ARHGEF28: variants seen among roughly 807,000 people sequenced by gnomAD.
ARHGEF28 encodes 190 kDa guanine nucleotide exchange factor.
A neutral mutation model predicts 206.6 loss-of-function variants in ARHGEF28; 152 were observed. That is an observed-to-expected ratio of 0.74 (90% CI 0.64 to 0.84). The LOEUF is 0.84. Among genes scored for constraint, ARHGEF28 ranks in the 40% least tolerant of loss-of-function variants. The pLI, the probability that ARHGEF28 is intolerant of heterozygous loss-of-function variation, is 0.00. For synonymous variants in ARHGEF28, 763 were observed against 776.4 expected (o/e 0.98, Z 0.29); for missense variants, 2,028 against 2,073.2 (o/e 0.98, Z 0.42).
chr5:73,822,846 C>A (rs1756681972), intron 9 of ARHGEF28, among the ~76,000 whole-genome samples: 1 of 152,198 alleles, frequency 6.6e-6, no homozygotes. Context: ...AGGCTGGTCT[C>A]AAACTCCTGG....
chr5:73,931,716 A>G (rs1412380317), intron 35 of ARHGEF28, among the ~76,000 whole-genome samples: 1 of 152,184 alleles, frequency 6.6e-6, no homozygotes, highest in Non-Finnish European at 1.5e-5. Flanking sequence ...AGTTCTTTGA[A>G]GATAGTAACT....
chr5:73,857,741 C>T lies in ARHGEF28; in HGVS notation c.1876C>T (p.Leu626Phe). Residue 626 changes from leucine (L) to phenylalanine (F), a missense_variant, in exon 15 of 36, where the codon CTC becomes TTC. This residue lies in a region of ARHGEF28 where 1,002 missense variants were observed against 1,015.3 expected (regional missense o/e 0.99). Transcript: ENST00000513042. ...KYKVSRTFSFLMNRMTSPRNK... is the reference protein window; with the variant it reads ...KYKVSRTFSFFMNRMTSPRNK... ...TAAAGTGAGTCGAACTTTCAGTTTC[C>T]TCATGAATAGGATGACTAGCCCTCG... 1.2e-6 allele frequency: 2 copies of T among 1,613,060 alleles called. No individual in the cohort carries two copies. The highest frequency in any genetic ancestry group is 1.1e-5 in the South Asian group (1 of 90,940).
intron 2 of ARHGEF28, among the ~76,000 whole-genome samples, chr5:73,732,026 T>C (rs915533282): frequency 1.3e-5 from 2 of 151,842 alleles, no homozygotes; most frequent in East Asian, 3.9e-4. Context: ...TTTTTTTTTT[T>C]TTTTTTTTAA....
At chr5:73,852,166 A>G (rs966167211) in intron 13 of ARHGEF28, among the ~76,000 whole-genome samples, 2 of 152,220 alleles carry the variant, frequency 1.3e-5, no homozygotes, top group Non-Finnish European at 2.9e-5. Flanking sequence ...CACATCTCTG[A>G]ACTTGCTGCT....
At chr5:73,794,203 C>T (rs1754654031) in intron 7 of ARHGEF28, among the ~76,000 whole-genome samples, 199 bp from the exon 8 acceptor site, 1 of 152,136 alleles carries the variant, frequency 6.6e-6, no homozygotes, top group African/African-American at 2.4e-5. Flanking sequence ...TTAGTCCACA[C>T]AGATAATACC....
At chr5:73,806,666 A>G (rs1167907090) in intron 9 of ARHGEF28, among the ~76,000 whole-genome samples, 1 of 143,740 alleles carries the variant, frequency 7.0e-6, no homozygotes, top group Non-Finnish European at 1.5e-5. Context: ...GTATACATCT[A>G]TATGTACCAT....
At chr5:73,800,871 A>G (rs1755087480) in intron 9 of ARHGEF28, among the ~76,000 whole-genome samples, 1 of 152,232 alleles carries the variant, frequency 6.6e-6, no homozygotes. Context: ...AGAACCAAAG[A>G]AACAGTCCTC....
intron 9 of ARHGEF28, among the ~76,000 whole-genome samples, chr5:73,807,984 A>G (rs1456244291): frequency 6.6e-6 from 1 of 151,986 alleles, no homozygotes; most frequent in Non-Finnish European, 1.5e-5. Context: ...CTTCTAGGTG[A>G]TATTCATTTT....
At chr5:73,761,002 T>A (rs913184758) in intron 4 of ARHGEF28, among the ~76,000 whole-genome samples, 2 of 152,204 alleles carry the variant, frequency 1.3e-5, no homozygotes, top group Non-Finnish European at 2.9e-5. Flanking sequence ...AGAGTTGGAT[T>A]CCGGTCACTC....
At chr5:73,749,431 C>G (rs1459147361) in intron 2 of ARHGEF28, among the ~76,000 whole-genome samples, 1 of 152,174 alleles carries the variant, frequency 6.6e-6, no homozygotes, top group South Asian at 2.1e-4. Context: ...ACCAGGGAGG[C>G]TGAAGTGGGA....
At chr5:73,714,933 C>A (rs1236477686) in intron 2 of ARHGEF28, among the ~76,000 whole-genome samples, 1 of 152,088 alleles carries the variant, frequency 6.6e-6, no homozygotes, top group Non-Finnish European at 1.5e-5. Flanking sequence ...GAAAGTAAAA[C>A]TTCAGCAAGA....
intron 35 of ARHGEF28, among the ~76,000 whole-genome samples, chr5:73,914,973 T>C (rs1441226601): frequency 6.6e-6 from 1 of 152,134 alleles, no homozygotes; most frequent in East Asian, 1.9e-4. Context: ...ACTCCTGGAC[T>C]GAAGCGATTG....
At chr5:73,719,368 G>A (rs1749779596) in intron 2 of ARHGEF28, among the ~76,000 whole-genome samples, 1 of 149,636 alleles carries the variant, frequency 6.7e-6, no homozygotes. Flanking sequence ...CCGAGATCAC[G>A]CCGCTGCACT....
At chr5:73,689,079 CT>C (rs1747655414) in intron 2 of ARHGEF28, among the ~76,000 whole-genome samples, 1 of 152,164 alleles carries the variant, frequency 6.6e-6, no homozygotes, top group East Asian at 1.9e-4. Flanking sequence ...AAATCTTGGC[CT>C]TTTTATGCCC....
chr5:73,732,831 G>A (rs1485248530), intron 2 of ARHGEF28, among the ~76,000 whole-genome samples: 2 of 152,004 alleles, frequency 1.3e-5, no homozygotes, highest in East Asian at 1.9e-4. Context: ...AAAGCATAGC[G>A]GAAACACACA....
intron 1 of ARHGEF28, among the ~76,000 whole-genome samples, chr5:73,639,760 T>C (rs1022908856): frequency 1.3e-5 from 2 of 152,218 alleles, no homozygotes; most frequent in African/African-American, 4.8e-5. Flanking sequence ...AACTGAAGTC[T>C]ATAAATAGAT....
intron 2 of ARHGEF28, among the ~76,000 whole-genome samples, chr5:73,723,400 T>C (rs554299418): frequency 5.3e-5 from 8 of 152,082 alleles, no homozygotes; most frequent in African/African-American, 7.2e-5. Flanking sequence ...GTTGGCCAGG[T>C]TGGTCTCAAT....
At chr5:73,686,562 A>G (rs967228257) in intron 2 of ARHGEF28, among the ~76,000 whole-genome samples, 1 of 144,818 alleles carries the variant, frequency 6.9e-6, no homozygotes, top group African/African-American at 2.6e-5. Flanking sequence ...TCTGTCACCC[A>G]GGCTGGAGTG....
chr5:73,929,944 A>G (rs568282744), intron 35 of ARHGEF28, among the ~76,000 whole-genome samples: 33 of 151,852 alleles, frequency 2.2e-4, no homozygotes, highest in Non-Finnish European at 3.7e-4. Context: ...TTTCATATTC[A>G]TACATGCGAC....
Sources: allele counts gnomAD v4.1 joint callset (sites outside exome capture counted in the v4.1 genomes callset), GRCh38; gene constraint gnomAD v4.1.1; regional missense constraint gnomAD v4.1.1; transcripts MANE v1.5; gene names NCBI Gene and HGNC (gene_info 2026-07-23, HGNC 2026-07-21).